Variants in LRRIQ1 observed in about 807,000 individuals in gnomAD.
LRRIQ1 encodes leucine rich repeats and IQ motif containing 1, also known as leucine-rich repeat- and IQ domain-containing protein 1.
LRRIQ1 carries 210 observed loss-of-function variants against 211.9 expected under a neutral mutation model. The observed-to-expected ratio is 0.99, with a 90% CI of 0.89 to 1.11. The LOEUF (loss-of-function observed/expected upper bound fraction) is 1.11, where lower values mean the gene tolerates loss of function less well. Ranked by LOEUF, LRRIQ1 falls within the 50% of genes most tolerant of loss-of-function variation. The pLI is 0.00. For missense variants in LRRIQ1, 2,136 were observed against 1,939.5 expected, an observed-to-expected ratio of 1.10 and a Z score of -1.90; for synonymous variants, 699 against 650.1, an observed-to-expected ratio of 1.08 and a Z score of -1.14.
chr12:85,140,038 C>A (rs1471230242), intron 19 of LRRIQ1, among the ~76,000 whole-genome samples: 1 of 151,176 alleles, frequency 6.6e-6, no homozygotes, highest in Non-Finnish European at 1.5e-5. Context: ...ATGAAAAAAA[C>A]TAGGTATCAT....
intron 15 of LRRIQ1, among the ~76,000 whole-genome samples, chr12:85,118,686 G>A (rs957888847): frequency 6.6e-6 from 1 of 151,858 alleles, no homozygotes; most frequent in Admixed American, 6.6e-5. Flanking sequence ...ATATACATAT[G>A]CTAAAATTAT....
At chr12:85,175,771 C>G (rs1196604113) in intron 24 of LRRIQ1, among the ~76,000 whole-genome samples, 1 of 152,078 alleles carries the variant, frequency 6.6e-6, no homozygotes, top group Non-Finnish European at 1.5e-5. Context: ...GAATCCTTTC[C>G]CCATTGCTTG....
intron 24 of LRRIQ1, among the ~76,000 whole-genome samples, chr12:85,220,149 G>T (rs992535105): frequency 2.6e-5 from 4 of 152,078 alleles, no homozygotes; most frequent in African/African-American, 9.7e-5. Flanking sequence ...ATTGCATGAA[G>T]AAGTGTTTTT....
intron 17 of LRRIQ1, among the ~76,000 whole-genome samples, chr12:85,126,593 T>C (rs1040227778): frequency 6.6e-6 from 1 of 152,168 alleles, no homozygotes; most frequent in African/African-American, 2.4e-5. Context: ...TGTTGGAATA[T>C]GAATATTTTT....
intron 24 of LRRIQ1, among the ~76,000 whole-genome samples, chr12:85,210,670 G>T (rs1893795284): frequency 6.6e-6 from 1 of 152,172 alleles, no homozygotes; most frequent in Admixed American, 6.5e-5. Context: ...TCGTATACAA[G>T]ATGTACTTAG....
intron 11 of LRRIQ1, among the ~76,000 whole-genome samples, chr12:85,090,540 T>G (rs1418033841): frequency 2.6e-5 from 4 of 152,136 alleles, no homozygotes; most frequent in Admixed American, 2.6e-4. Flanking sequence ...TACCCTGGAG[T>G]CAAAGGAGAT....
chr12:85,188,657 C>A (rs1047045152), intron 24 of LRRIQ1, among the ~76,000 whole-genome samples: 4 of 152,114 alleles, frequency 2.6e-5, no homozygotes, highest in Non-Finnish European at 5.9e-5. Flanking sequence ...CCCCTTCCCA[C>A]TACAGCAATG....
At chr12:85,105,092 AT>A (rs1252352584) in intron 14 of LRRIQ1, among the ~76,000 whole-genome samples, 2 of 151,936 alleles carry the variant, frequency 1.3e-5, no homozygotes. Flanking sequence ...AAATGTGACT[AT>A]TTTTATTTTT....
At chr12:85,265,633 A>G (rs1160025973), downstream of LRRIQ1, among the ~76,000 whole-genome samples, 1 of 152,026 alleles carries the variant, frequency 6.6e-6, no homozygotes, top group African/African-American at 2.4e-5. Flanking sequence ...AATTGTGATT[A>G]GGGTGTACTT....
chr12:85,141,473 G>A (rs1215624511), intron 19 of LRRIQ1, among the ~76,000 whole-genome samples: 1 of 150,298 alleles, frequency 6.7e-6, no homozygotes, highest in Non-Finnish European at 1.5e-5. Context: ...TTGAATTATT[G>A]TATCGCTGAA....
chr12:85,191,100 C>T (rs542684770), intron 24 of LRRIQ1, among the ~76,000 whole-genome samples: 5 of 152,002 alleles, frequency 3.3e-5, no homozygotes, highest in East Asian at 3.9e-4. Flanking sequence ...TCATGTACTC[C>T]GCAAATGTAC....
intron 24 of LRRIQ1, among the ~76,000 whole-genome samples, chr12:85,172,274 A>G (rs1565883178): frequency 6.6e-6 from 1 of 152,104 alleles, no homozygotes; most frequent in African/African-American, 2.4e-5. Flanking sequence ...CTCATAGGAC[A>G]CTCTGTATTT....
chr12:85,068,039 A>G (rs1326680907), intron 10 of LRRIQ1, among the ~76,000 whole-genome samples: 8 of 151,744 alleles, frequency 5.3e-5, no homozygotes, highest in Non-Finnish European at 1.5e-5. Context: ...TGTATTATTC[A>G]CCTCCTGGCT....
chr12:85,229,412 A>G (rs958264421), intron 24 of LRRIQ1, 105 bp from the exon 25 acceptor site: 60 of 852,606 alleles, frequency 7.0e-5, no homozygotes, highest in Non-Finnish European at 9.9e-5. Context: ...ATAAGTTAGT[A>G]TTTTTTTTTC....
chr12:85,097,411 A>G (rs770232135), intron 11 of LRRIQ1, among the ~76,000 whole-genome samples: 2 of 124,978 alleles, frequency 1.6e-5, no homozygotes, highest in Non-Finnish European at 1.7e-5. Flanking sequence ...CTCCCCCCTC[A>G]CCCCACCCTA....
intron 15 of LRRIQ1, among the ~76,000 whole-genome samples, chr12:85,115,515 A>C (rs1285534433): frequency 2.0e-5 from 3 of 152,216 alleles, no homozygotes; most frequent in Non-Finnish European, 2.9e-5. Flanking sequence ...ATCATTTGGA[A>C]ACTTTTTATA....
intron 24 of LRRIQ1, among the ~76,000 whole-genome samples, chr12:85,223,952 A>G (rs1208435866): frequency 2.6e-5 from 4 of 152,136 alleles, no homozygotes; most frequent in Admixed American, 1.3e-4. Flanking sequence ...TTAAAAATAT[A>G]TGCTCTCTTA....
At chr12:85,202,933 C>G (rs1199013892) in intron 24 of LRRIQ1, among the ~76,000 whole-genome samples, 1 of 152,120 alleles carries the variant, frequency 6.6e-6, no homozygotes, top group Non-Finnish European at 1.5e-5. Flanking sequence ...TTTTTCCTTT[C>G]CATGTTTAAC....
intron 24 of LRRIQ1, among the ~76,000 whole-genome samples, 145 bp from the exon 25 acceptor site, chr12:85,229,362 TTTTCTTACTG>T (rs1894821060): frequency 1.3e-5 from 2 of 152,200 alleles, no homozygotes; most frequent in Non-Finnish European, 2.9e-5. Flanking sequence ...CTGACATTAC[TTTTCTTACTG>T]ACATTAGTTT....
Sources: gnomAD v4.1 joint callset for allele counts (sites outside exome capture counted in the v4.1 genomes callset) on GRCh38, gnomAD v4.1.1 for gene constraint, MANE v1.5 for transcripts, NCBI Gene and HGNC (gene_info 2026-07-23, HGNC 2026-07-21) for gene names.